CTNNA2: variants seen among roughly 807,000 people sequenced by gnomAD.
CTNNA2 encodes the protein catenin alpha-2.
CTNNA2 carries 42 observed loss-of-function variants against 101.0 expected under a neutral mutation model. The ratio of observed to expected loss-of-function variants is 0.42; its 90% CI spans 0.32 to 0.54. The LOEUF (loss-of-function observed/expected upper bound fraction) is 0.54. Ranked by LOEUF, CTNNA2 falls within the 20% of genes least tolerant of loss-of-function variation. CTNNA2 has a pLI of 0.14. For missense variants in CTNNA2, 871 were observed against 1,223.1 expected, an observed-to-expected ratio of 0.71 and a Z score of 4.29; for synonymous variants, 450 against 456.4, an observed-to-expected ratio of 0.99 and a Z score of 0.18.
chr2:80,629,536 A>T (rs534537760), intron 18 of CTNNA2, among the ~76,000 whole-genome samples: 2 of 152,166 alleles, frequency 1.3e-5, no homozygotes, highest in African/African-American at 4.8e-5. Flanking sequence ...TTTTAAAAAA[A>T]CACTGGTCTA....
intron 7 of CTNNA2, among the ~76,000 whole-genome samples, chr2:80,118,151 TA>T (rs150233310): frequency 0.018 from 2,763 of 152,308 alleles, 70 homozygotes; most frequent in African/African-American, 0.059. Flanking sequence ...TACATTGTGT[TA>T]AAAATTGGTA....
chr2:79,431,850 G>A (rs540639114), intron 4 of CTNNA2, among the ~76,000 whole-genome samples: 13 of 152,154 alleles, frequency 8.5e-5, no homozygotes, highest in Non-Finnish European at 1.9e-4. Flanking sequence ...TTGCTCCTCC[G>A]GTGAACTATA....
At chr2:79,662,157 T>A (rs1192620600) in intron 2 of CTNNA2, among the ~76,000 whole-genome samples, 1 of 151,974 alleles carries the variant, frequency 6.6e-6, no homozygotes, top group East Asian at 2.0e-4. Flanking sequence ...AATCTGCTGT[T>A]TGCTGACATG....
chr2:80,221,214 A>G (rs1240931714), intron 7 of CTNNA2, among the ~76,000 whole-genome samples: 1 of 152,212 alleles, frequency 6.6e-6, no homozygotes, highest in African/African-American at 2.4e-5. Context: ...TACCAGCTGC[A>G]TATAATAGGA....
At chr2:79,978,253 C>T (rs1691008656) in intron 7 of CTNNA2, among the ~76,000 whole-genome samples, 1 of 152,072 alleles carries the variant, frequency 6.6e-6, no homozygotes, top group Non-Finnish European at 1.5e-5. Context: ...TTACTTGGGT[C>T]AAAGTTAGGG....
chr2:80,153,985 T>G (rs1703857559), intron 7 of CTNNA2, among the ~76,000 whole-genome samples: 1 of 152,238 alleles, frequency 6.6e-6, no homozygotes, highest in Admixed American at 6.5e-5. Context: ...GCTTCAGTTT[T>G]CATATCTATC....
intron 7 of CTNNA2, among the ~76,000 whole-genome samples, chr2:80,280,966 A>G (rs1219741244): frequency 6.6e-6 from 1 of 152,152 alleles, no homozygotes; most frequent in African/African-American, 2.4e-5. Context: ...CAGTGAACAC[A>G]AAATATTATT....
intron 3 of CTNNA2, among the ~76,000 whole-genome samples, chr2:79,823,769 C>T (rs1251386809): frequency 1.3e-5 from 2 of 151,984 alleles, no homozygotes; most frequent in Non-Finnish European, 2.9e-5. Flanking sequence ...TAGAAAATGA[C>T]GTTAAAAAAT....
In CTNNA2 at chr2:80,177,054, C is replaced by T. The variant is rs368834314; in HGVS notation, c.1057-216157C>T. Among the ~76,000 whole-genome samples, 13 of 152,236 alleles carry T rather than the reference C, an allele frequency of 8.5e-5. No homozygotes were observed. The East Asian group carries it at 1.6e-3, about 18-fold the overall frequency. ...TTGTCCCAGCCCTGCAAAGTATTGT[C>T]ACCTAGTTGGCATTGTAATTTGACT... On this transcript the variant is annotated intron_variant, in intron 7 of 18. Coordinates refer to ENST00000402739, the MANE Select transcript of CTNNA2 (RefSeq NM_001282597.3).
intron 7 of CTNNA2, among the ~76,000 whole-genome samples, chr2:80,326,554 A>T (rs1376899819): frequency 6.6e-6 from 1 of 152,132 alleles, no homozygotes; most frequent in Non-Finnish European, 1.5e-5. Context: ...CCCTCTGCCA[A>T]TGGAATCAAC....
At chr2:79,382,847 T>A (rs1678055071) in intron 4 of CTNNA2, among the ~76,000 whole-genome samples, 1 of 152,114 alleles carries the variant, frequency 6.6e-6, no homozygotes, top group South Asian at 2.1e-4. Context: ...ATTTCCTGAC[T>A]TCGTGATCCA....
intron 2 of CTNNA2, among the ~76,000 whole-genome samples, chr2:79,221,144 TG>T (rs1390047986): frequency 1.0e-4 from 5 of 49,302 alleles, no homozygotes; most frequent in African/African-American, 1.9e-4. Context: ...ATCTCAAATT[TG>T]TTTTGTTTTT....
rs534312300 is a variant in CTNNA2 at position 80,555,208 on chromosome 2, A to G, written c.1541-485A>G. 3.3e-5 allele frequency among the ~76,000 whole-genome samples: 5 copies of G among 152,230 alleles called. No individual in the cohort carries two copies. In the South Asian group the frequency reaches 6.2e-4, roughly 19 times the overall value. On this transcript the variant is annotated intron_variant, in intron 11 of 18. Coordinates refer to ENST00000402739, the MANE Select transcript of CTNNA2 (RefSeq NM_001282597.3). Reference sequence around the variant, plus strand: ...GTAATGAAAACATGATTAAAGAAACATGTGTCCAAAGCTTTGACTCTGGTT... The same window carrying G: ...GTAATGAAAACATGATTAAAGAAACGTGTGTCCAAAGCTTTGACTCTGGTT...
intron 6 of CTNNA2, among the ~76,000 whole-genome samples, chr2:79,886,944 G>A (rs111536026): frequency 6.0e-5 from 9 of 151,246 alleles, no homozygotes; most frequent in Non-Finnish European, 7.4e-5. Flanking sequence ...TCAGCCTCCC[G>A]AGTAGCTAGG....
At chr2:79,759,197 G>A (rs1672605153) in intron 3 of CTNNA2, among the ~76,000 whole-genome samples, 1 of 152,040 alleles carries the variant, frequency 6.6e-6, no homozygotes, top group Admixed American at 6.5e-5. Flanking sequence ...CACGAGACCA[G>A]CCTGGCCAAC....
chr2:80,380,028 CTTTTTTTTTTTTTTT>C (rs769794108), intron 7 of CTNNA2, among the ~76,000 whole-genome samples: 2 of 86,524 alleles, frequency 2.3e-5, no homozygotes, highest in Non-Finnish European at 4.1e-5. Context: ...TCGAGATGTA[CTTTTTTTTTTTTTTT>C]TTTTTTTTTT....
intron 3 of CTNNA2, among the ~76,000 whole-genome samples, chr2:79,769,358 T>G (rs555219520): frequency 6.6e-6 from 1 of 152,286 alleles, no homozygotes; most frequent in Non-Finnish European, 1.5e-5. Flanking sequence ...ACTCTGATGT[T>G]CAAGGAGACT....
chr2:79,414,094 A>G (rs1678450281), intron 4 of CTNNA2, among the ~76,000 whole-genome samples: 1 of 151,814 alleles, frequency 6.6e-6, no homozygotes, highest in Non-Finnish European at 1.5e-5. Flanking sequence ...TTTCATATAT[A>G]TAAAATTTAG....
intron 4 of CTNNA2, among the ~76,000 whole-genome samples, chr2:79,446,536 T>C (rs1558668643): frequency 6.6e-6 from 1 of 152,106 alleles, no homozygotes; most frequent in Non-Finnish European, 1.5e-5. Context: ...CTCATTATAC[T>C]CAGCCTCACA....
Sources: gnomAD v4.1 joint callset for allele counts (sites outside exome capture counted in the v4.1 genomes callset) on GRCh38, gnomAD v4.1.1 for gene constraint, MANE v1.5 for transcripts, NCBI Gene and HGNC (gene_info 2026-07-23, HGNC 2026-07-21) for gene names.